The following NRP2 variants were observed in gnomAD, a reference collection of about 807,000 sequenced individuals.
NRP2 encodes neuropilin 2.
In NRP2, 52 loss-of-function variants were observed where a neutral mutation model predicts 110.4. The ratio of observed to expected loss-of-function variants is 0.47; its 90% CI spans 0.38 to 0.59. The LOEUF is 0.59. Among genes scored for constraint, NRP2 ranks in the 20% least tolerant of loss-of-function variants. The pLI, the probability that NRP2 is intolerant of heterozygous loss-of-function variation, is 0.00. For missense variants in NRP2, 1,049 were observed against 1,203.0 expected (o/e 0.87, Z 1.89); for synonymous variants, 508 against 468.9 (o/e 1.08, Z -1.08).
chr2:205,717,619 G>C (rs1323078073), intron 3 of NRP2, among the ~76,000 whole-genome samples: 7 of 152,228 alleles, frequency 4.6e-5, no homozygotes, highest in Admixed American at 4.6e-4. Context: ...AGGTTTCTCT[G>C]CCTTGGGTTT....
rs2058365462 is a variant in NRP2, at chr2:205,798,084, T to C, written c.*3026T>C. The C allele has an allele frequency of 6.6e-6, 1 of 152,182 alleles. No individual in the cohort carries two copies. Among genetic ancestry groups the C allele is most frequent in the Non-Finnish European group, 1.5e-5 (1 of 67,988 alleles). 9.4% of individuals were successfully genotyped at this position (152,182 alleles called of 1,614,324 possible). A position where few individuals can be genotyped will look rare whatever the true frequency, so the allele number is the denominator to read the frequency against. On this transcript the variant is annotated 3_prime_UTR_variant, in exon 17 of 17. Coordinates refer to ENST00000357785, the MANE Select transcript of NRP2 (RefSeq NM_003872.3). ...TGTCAAACTGTGTTTATATGATTTG[T>C]ATAAAGCCTTTTTAAGATTACTATT...
chr2:205,786,411 G>A (rs945225639), intron 15 of NRP2, among the ~76,000 whole-genome samples: 1 of 152,160 alleles, frequency 6.6e-6, no homozygotes, highest in Admixed American at 6.5e-5. Context: ...TTGGAATCAA[G>A]TTCAACAAAG....
chr2:205,722,488 T>C lies in NRP2; in HGVS notation c.444T>C (p.Asp148=), dbSNP rs2057040152. 6 of 1,613,848 alleles carry C rather than the reference T, an allele frequency of 3.7e-6. No individual in the cohort carries two copies. The highest frequency in any genetic ancestry group is 1.7e-5 in the Admixed American group (1 of 60,012). The change falls in exon 4 of 17, where the codon GAT becomes GAC. Residue 148 remains aspartate (D), a synonymous_variant. Transcript: ENST00000357785. The part of the protein sequence containing the change: ...RYEIFKTGSE[D]CSKNFTSPNG... ...CTCTTTTACATACAGGCTCTGAAGA[T>C]TGCTCAAAAAACTTCACAAGCCCCA...
intron 1 of NRP2, among the ~76,000 whole-genome samples, chr2:205,688,066 A>G (rs537234183): frequency 6.6e-6 from 1 of 152,326 alleles, no homozygotes; most frequent in African/African-American, 2.4e-5. Context: ...AGGTTTCCAA[A>G]TATATTCTCC....
At chr2:205,770,694 G>A (rs2058007858) in intron 15 of NRP2, among the ~76,000 whole-genome samples, 1 of 152,188 alleles carries the variant, frequency 6.6e-6, no homozygotes, top group South Asian at 2.1e-4. Context: ...TCTGATGAAA[G>A]GCAGAGAAGT....
chr2:205,779,644 T>C (rs1054939299), intron 15 of NRP2: 1 of 152,264 alleles, frequency 6.6e-6, no homozygotes, highest in Non-Finnish European at 1.5e-5. Context: ...TCAAAATAAC[T>C]TGTGGACGTT....
intron 11 of NRP2, among the ~76,000 whole-genome samples, chr2:205,751,130 G>T (rs932065960): frequency 6.6e-6 from 1 of 152,110 alleles, no homozygotes; most frequent in Non-Finnish European, 1.5e-5. Flanking sequence ...AGCCAAAAGT[G>T]GAATGCATAG....
At chr2:205,760,985 G>A (rs2057811600) in intron 12 of NRP2, 1 of 152,120 alleles carries the variant, frequency 6.6e-6, no homozygotes, top group East Asian at 1.9e-4. Flanking sequence ...CAACAGTAAG[G>A]GCTTGGAAAT....
chr2:205,684,960 A>G (rs2056110568), intron 1 of NRP2, among the ~76,000 whole-genome samples: 1 of 152,204 alleles, frequency 6.6e-6, no homozygotes, highest in Admixed American at 6.5e-5. Flanking sequence ...GCGCGCACAC[A>G]CTGGCACTCA....
At chr2:205,729,237 G>A (rs1051653033) in intron 7 of NRP2, among the ~76,000 whole-genome samples, 5 of 152,196 alleles carry the variant, frequency 3.3e-5, no homozygotes, top group Non-Finnish European at 7.3e-5. Context: ...CCATAGTAAC[G>A]GGGTACCACT....
At chr2:205,739,350 T>C (rs1049303265) in intron 7 of NRP2, among the ~76,000 whole-genome samples, 3 of 152,356 alleles carry the variant, frequency 2.0e-5, no homozygotes, top group African/African-American at 7.2e-5. Flanking sequence ...TCTGGGGTAC[T>C]ATAGATATAA....
chr2:205,683,688 AT>A (rs1047298180), intron 1 of NRP2, among the ~76,000 whole-genome samples: 59 of 152,084 alleles, frequency 3.9e-4, no homozygotes, highest in African/African-American at 1.4e-3. Flanking sequence ...GTTTTTGGGA[AT>A]TTTTTTTCCC....
chr2:205,750,190 T>C (rs1335438380), intron 11 of NRP2, among the ~76,000 whole-genome samples: 1 of 152,238 alleles, frequency 6.6e-6, no homozygotes, highest in Non-Finnish European at 1.5e-5. Flanking sequence ...ATCCTTAGAA[T>C]TCACAGCTCT....
chr2:205,730,435 T>C (rs1246132919), intron 7 of NRP2, among the ~76,000 whole-genome samples: 2 of 152,064 alleles, frequency 1.3e-5, no homozygotes, highest in African/African-American at 2.4e-5. Flanking sequence ...CCACTGAGTT[T>C]CTCTTTGTAG....
chr2:205,706,088 C>G (rs1367765643), intron 2 of NRP2, among the ~76,000 whole-genome samples: 1 of 151,986 alleles, frequency 6.6e-6, no homozygotes, highest in Admixed American at 6.6e-5. Context: ...CCCCGCTCAC[C>G]ATCCTCTTCA....
At chr2:205,789,885 CA>C (rs1191421859) in intron 15 of NRP2, among the ~76,000 whole-genome samples, 1 of 152,168 alleles carries the variant, frequency 6.6e-6, no homozygotes, top group Non-Finnish European at 1.5e-5. Context: ...CTTAATCAAA[CA>C]CAGATATCAA....
At chr2:205,788,346 T>C (rs912000502) in intron 15 of NRP2, among the ~76,000 whole-genome samples, 1 of 152,210 alleles carries the variant, frequency 6.6e-6, no homozygotes, top group Non-Finnish European at 1.5e-5. Flanking sequence ...CTTCCCATCA[T>C]TCATTCAGAG....
intron 7 of NRP2, among the ~76,000 whole-genome samples, chr2:205,734,399 G>GCCCCCCCCCCCCCC (rs201261642): frequency 9.9e-5 from 9 of 90,476 alleles, no homozygotes; most frequent in South Asian, 4.4e-4. Flanking sequence ...ATTTCCCACC[G>GCCCCCCCCCCCCCC]CCCCCCCCCA....
Position 205,796,461 on chromosome 2 carries a change from T to C in NRP2, c.*1403T>C, listed in dbSNP as rs933071420. Reference sequence around the variant, plus strand: ...ATACACACATGCACGCACGCACGCATGCACACCAATTTATGTTTTTATTAA... The same window carrying C: ...ATACACACATGCACGCACGCACGCACGCACACCAATTTATGTTTTTATTAA... On this transcript the variant is annotated 3_prime_UTR_variant, in exon 17 of 17. Coordinates refer to ENST00000357785, the MANE Select transcript of NRP2 (RefSeq NM_003872.3). The C allele has an allele frequency of 6.6e-6, 1 of 152,536 alleles. No homozygotes were observed. Among genetic ancestry groups the C allele is most frequent in the African/African-American group, 2.4e-5 (1 of 41,412 alleles). 9.4% of individuals were successfully genotyped at this position (152,536 alleles called of 1,614,324 possible). A position where few individuals can be genotyped will look rare whatever the true frequency, so the allele number is the denominator to read the frequency against.
Sources: gnomAD v4.1 joint callset for allele counts (sites outside exome capture counted in the v4.1 genomes callset) on GRCh38, gnomAD v4.1.1 for gene constraint, MANE v1.5 for transcripts, NCBI Gene and HGNC (gene_info 2026-07-23, HGNC 2026-07-21) for gene names.